The following SLC30A8 variants were observed in gnomAD, a reference collection of about 807,000 sequenced individuals.
SLC30A8 encodes the protein solute carrier family 30 member 8, also known as proton-coupled zinc antiporter SLC30A8.
In SLC30A8, 27 loss-of-function variants were observed where a neutral mutation model predicts 36.9. That is an observed-to-expected ratio of 0.73 (90% confidence interval 0.54 to 1.01). The LOEUF (loss-of-function observed/expected upper bound fraction) is 1.01. SLC30A8 is among the 50% of genes least tolerant of loss of function. SLC30A8 has a pLI of 0.00. For synonymous variants in SLC30A8, 164 were observed against 172.4 expected, an observed-to-expected ratio of 0.95 and a Z score of 0.38; for missense variants, 439 against 452.0, an observed-to-expected ratio of 0.97 and a Z score of 0.26.
intron 6 of SLC30A8, among the ~76,000 whole-genome samples, chr8:117,166,539 GTATATCT>G (rs926932125): frequency 1.3e-5 from 2 of 152,164 alleles, no homozygotes; most frequent in African/African-American, 4.8e-5. Flanking sequence ...TCTTGAGTCA[GTATATCT>G]TATTGGGGAG....
intron 2 of SLC30A8, among the ~76,000 whole-genome samples, chr8:117,117,245 ATTTAATCC>A (rs1201077992): frequency 6.6e-6 from 1 of 151,970 alleles, no homozygotes; most frequent in African/African-American, 2.4e-5. Context: ...ATATTAACTT[ATTTAATCC>A]TGCAACAACC....
chr8:117,028,605 G>A (rs1175422857), intron 1 of SLC30A8, among the ~76,000 whole-genome samples: 2 of 151,692 alleles, frequency 1.3e-5, no homozygotes, highest in African/African-American at 4.8e-5. Context: ...GGTCAAAGAG[G>A]AATGGTCTTT....
chr8:117,123,135 A>G (rs1405248093), intron 2 of SLC30A8, among the ~76,000 whole-genome samples: 1 of 151,972 alleles, frequency 6.6e-6, no homozygotes, highest in Non-Finnish European at 1.5e-5. Flanking sequence ...GTCAGGCTTC[A>G]TCTCCTCTAC....
chr8:117,142,081 C>T (rs1410621694), intron 1 of SLC30A8, among the ~76,000 whole-genome samples: 4 of 152,132 alleles, frequency 2.6e-5, no homozygotes, highest in Non-Finnish European at 4.4e-5. Flanking sequence ...CTCTATACTG[C>T]ACTGCCTGCC....
At chr8:117,104,679 G>A (rs1819897108) in intron 2 of SLC30A8, among the ~76,000 whole-genome samples, 1 of 152,164 alleles carries the variant, frequency 6.6e-6, no homozygotes, top group Non-Finnish European at 1.5e-5. Context: ...GAAAGAATTT[G>A]AGGCAAATCC....
chr8:117,137,777 T>C (rs535507492), intron 1 of SLC30A8, among the ~76,000 whole-genome samples: 8 of 151,974 alleles, frequency 5.3e-5, no homozygotes, highest in Non-Finnish European at 1.0e-4. Flanking sequence ...CATTCTCAGA[T>C]AGCTTAAGCC....
chr8:116,963,533 C>T (rs1401410435), intron 1 of SLC30A8, among the ~76,000 whole-genome samples: 2 of 152,196 alleles, frequency 1.3e-5, no homozygotes, highest in Non-Finnish European at 2.9e-5. Flanking sequence ...ATTTTTGTAT[C>T]TGGCTTTTCA....
In SLC30A8 at chr8:117,155,352, A is replaced by T. The variant is rs146892044; in HGVS notation, c.418+2262A>T. 6.7e-4 allele frequency among the ~76,000 whole-genome samples: 102 copies of T among 152,202 alleles called. 1 individual carries two copies. The highest frequency in any genetic ancestry group is 2.3e-3 in the African/African-American group (95 of 41,540). On this transcript the variant is annotated intron_variant, in intron 3 of 7. Transcript: ENST00000456015. ...CTTTCATACCCTGTTTTGGATTTTC[A>T]TGGATAGGAAGCACACTACCTGACA...
intron 1 of SLC30A8, among the ~76,000 whole-genome samples, chr8:116,961,815 A>G (rs1478966475): frequency 6.6e-6 from 1 of 151,804 alleles, no homozygotes; most frequent in East Asian, 1.9e-4. Context: ...CTCAGACTAG[A>G]GTGTAGTGGT....
chr8:117,054,768 C>G (rs1485179895), intron 2 of SLC30A8, among the ~76,000 whole-genome samples: 1 of 152,052 alleles, frequency 6.6e-6, no homozygotes, highest in Non-Finnish European at 1.5e-5. Context: ...TTTCCCAGAG[C>G]TAACCAGAGT....
chr8:116,960,839 G>A (rs1266227626), intron 1 of SLC30A8, among the ~76,000 whole-genome samples: 1 of 152,146 alleles, frequency 6.6e-6, no homozygotes, highest in African/African-American at 2.4e-5. Flanking sequence ...GTAATATGAG[G>A]AAAATCTCCT....
intron 1 of SLC30A8, among the ~76,000 whole-genome samples, chr8:116,998,640 A>G (rs1815900679): frequency 6.6e-6 from 1 of 152,210 alleles, no homozygotes. Context: ...AAAGATCTTG[A>G]GATGAAATCA....
intron 1 of SLC30A8, among the ~76,000 whole-genome samples, chr8:116,965,884 A>ATTTTTTTTTT (rs528650121): frequency 7.2e-6 from 1 of 138,888 alleles, no homozygotes; most frequent in Non-Finnish European, 1.6e-5. Flanking sequence ...ATTTTTTTTA[A>ATTTTTTTTTT]TTTTTTTTTT....
chr8:117,029,244 G>A (rs1471004402), intron 1 of SLC30A8, among the ~76,000 whole-genome samples: 1 of 152,146 alleles, frequency 6.6e-6, no homozygotes, highest in Non-Finnish European at 1.5e-5. Context: ...GTCAACTTTT[G>A]TATTGGCTAA....
chr8:117,175,880 G>A lies in SLC30A8; in HGVS notation c.*3199G>A, dbSNP rs1362444349. 1 of 152,052 alleles carries A rather than the reference G, an allele frequency of 6.6e-6. No individual in the cohort carries two copies. The highest frequency in any genetic ancestry group is 1.5e-5 in the Non-Finnish European group (1 of 67,996). 9.4% of individuals were successfully genotyped at this position (152,052 alleles called of 1,614,324 possible). ...ATTTACTGAGAGGCTGTTACCTAGTGAGAGTGATGAATTAATTAAAATAGT... is the reference window on the plus strand; with the variant it reads ...ATTTACTGAGAGGCTGTTACCTAGTAAGAGTGATGAATTAATTAAAATAGT... On this transcript the variant is annotated 3_prime_UTR_variant, in exon 8 of 8. Coordinates refer to ENST00000456015, the MANE Select transcript of SLC30A8 (RefSeq NM_173851.3).
chr8:117,150,091 A>G (rs1822105020), intron 2 of SLC30A8, among the ~76,000 whole-genome samples: 1 of 152,232 alleles, frequency 6.6e-6, no homozygotes, highest in Admixed American at 6.5e-5. Context: ...TCTTATCGAC[A>G]TTATAAACAA....
intron 1 of SLC30A8, among the ~76,000 whole-genome samples, chr8:117,037,873 GAGAA>G (rs1269261810): frequency 1.3e-5 from 2 of 152,162 alleles, no homozygotes; most frequent in African/African-American, 4.8e-5. Flanking sequence ...TTAAAAGAGA[GAGAA>G]AGTTAGAAAA....
At chr8:116,991,865 C>T (rs539026748) in intron 1 of SLC30A8, among the ~76,000 whole-genome samples, 9 of 152,048 alleles carry the variant, frequency 5.9e-5, no homozygotes, top group African/African-American at 9.7e-5. Context: ...ACTGCTAATG[C>T]GGAAAAAGAA....
intron 1 of SLC30A8, among the ~76,000 whole-genome samples, chr8:117,027,936 C>T (rs78123932): frequency 2.6e-5 from 4 of 152,074 alleles, no homozygotes; most frequent in East Asian, 1.9e-4. Flanking sequence ...AGCTGCTTCA[C>T]GTATAAAATA....
Sources: allele counts gnomAD v4.1 joint callset (sites outside exome capture counted in the v4.1 genomes callset), GRCh38; gene constraint gnomAD v4.1.1; transcripts MANE v1.5; gene names NCBI Gene and HGNC (gene_info 2026-07-23, HGNC 2026-07-21).